The following AGBL1 variants were observed in gnomAD, a reference collection of about 807,000 sequenced individuals.
AGBL1 encodes the protein cytosolic carboxypeptidase 4.
Under a neutral mutation model 118.9 loss-of-function variants are expected in AGBL1, and 130 were observed. The observed-to-expected ratio is 1.09, with a 90% CI of 0.95 to 1.26. The LOEUF is 1.26. AGBL1 is among the 50% of genes most tolerant of loss of function. AGBL1 has a pLI of 0.00. For missense variants in AGBL1, 1,584 were observed against 1,298.1 expected, an observed-to-expected ratio of 1.22 and a Z score of -3.38; for synonymous variants, 555 against 478.9, an observed-to-expected ratio of 1.16 and a Z score of -2.08.
chr15:86,963,165 A>G (rs908121069), intron 23 of AGBL1, among the ~76,000 whole-genome samples: 2 of 152,044 alleles, frequency 1.3e-5, no homozygotes, highest in Non-Finnish European at 2.9e-5. Context: ...GGAGAATGAC[A>G]AAAGCCATGG....
At chr15:86,537,520 T>C (rs2083442546) in intron 19 of AGBL1, among the ~76,000 whole-genome samples, 1 of 152,220 alleles carries the variant, frequency 6.6e-6, no homozygotes, top group Non-Finnish European at 1.5e-5. Flanking sequence ...CATAAGTGCC[T>C]TCTCAGGGCA....
rs1408392120 is a variant in AGBL1 at position 86,532,185 on chromosome 15, C to A, written c.2685+9246C>A. Among the ~76,000 whole-genome samples the A allele has an allele frequency of 1.3e-3, 190 of 149,968 alleles. No individual in the cohort carries two copies. In the East Asian group the frequency reaches 0.014, roughly 11 times the overall value. ...AAGTCAAATTGTCCCTGTTTGCAGA[C>A]AACATGATTGTTTATCTAGAAAACC... On this transcript the variant is annotated intron_variant, in intron 19 of 22. Coordinates refer to ENST00000614907, the MANE Select transcript of AGBL1 (RefSeq NM_001386094.1).
At chr15:86,239,520 A>G (rs1048599500) in intron 6 of AGBL1, among the ~76,000 whole-genome samples, 10 of 152,080 alleles carry the variant, frequency 6.6e-5, no homozygotes, top group African/African-American at 2.4e-4. Context: ...CCTCTCTTCA[A>G]TGGTGCCGCA....
chr15:86,922,794 A>G (rs1180649743), intron 23 of AGBL1, among the ~76,000 whole-genome samples: 1 of 152,234 alleles, frequency 6.6e-6, no homozygotes, highest in African/African-American at 2.4e-5. Context: ...AAAAGAGGCA[A>G]TGAAGCGATT....
chr15:86,918,322 A>G (rs1000673516), downstream of AGBL1, among the ~76,000 whole-genome samples: 2 of 152,264 alleles, frequency 1.3e-5, no homozygotes, highest in Middle Eastern at 3.4e-3. Context: ...GAGAGGCTGC[A>G]TTTGGGTTTG....
At chr15:86,906,022 A>T (rs1348624902) in intron 22 of AGBL1, among the ~76,000 whole-genome samples, 1 of 152,224 alleles carries the variant, frequency 6.6e-6, no homozygotes, top group Non-Finnish European at 1.5e-5. Flanking sequence ...CAGTCAGCAG[A>T]CAATTAAGAC....
In AGBL1 at chr15:86,867,351, T is replaced by C. The variant is rs148628826; in HGVS notation, c.3159-39736T>C. ...CCAAGAGTTGACATTATGCTAACTT[T>C]ACATTTTACAAATCAACTCACCTAC... is the stretch of plus-strand genomic sequence containing the variant. On this transcript the variant is annotated intron_variant, in intron 22 of 22. Coordinates refer to ENST00000614907, the MANE Select transcript of AGBL1 (RefSeq NM_001386094.1). Among the ~76,000 whole-genome samples, 746 of 152,294 alleles carry C rather than the reference T, an allele frequency of 4.9e-3. 10 individuals carry two copies. Among genetic ancestry groups the C allele is most frequent in the African/African-American group, 0.017 (704 of 41,548 alleles).
At chr15:86,816,851 TA>T (rs2078864254) in intron 22 of AGBL1, among the ~76,000 whole-genome samples, 1 of 152,032 alleles carries the variant, frequency 6.6e-6, no homozygotes, top group Non-Finnish European at 1.5e-5. Context: ...GTTTTTTATC[TA>T]AATATTTTTT....
intron 1 of AGBL1, chr15:86,138,190 C>T (rs967731277): frequency 1.3e-5 from 2 of 152,238 alleles, no homozygotes; most frequent in African/African-American, 2.4e-5. Flanking sequence ...CAGACAGATT[C>T]ATCCCCCAGC....
chr15:86,236,345 T>A (rs1371632384), intron 6 of AGBL1, among the ~76,000 whole-genome samples: 1 of 14,300 alleles, frequency 7.0e-5, no homozygotes, highest in Admixed American at 1.2e-3. Flanking sequence ...AACTACTACT[T>A]TTTTTTTTTT....
chr15:86,587,140 T>C (rs2084261488), intron 21 of AGBL1, among the ~76,000 whole-genome samples: 1 of 152,210 alleles, frequency 6.6e-6, no homozygotes, highest in Non-Finnish European at 1.5e-5. Flanking sequence ...GTCATGGTCT[T>C]AGCTTACTCC....
intron 5 of AGBL1, among the ~76,000 whole-genome samples, chr15:86,222,168 C>T (rs542919089): frequency 8.5e-5 from 13 of 152,160 alleles, no homozygotes; most frequent in Non-Finnish European, 1.9e-4. Context: ...GCTTGCCTGG[C>T]TATGATGATC....
intron 1 of AGBL1, among the ~76,000 whole-genome samples, chr15:86,127,964 T>C (rs1337344737): frequency 1.3e-5 from 2 of 152,234 alleles, no homozygotes; most frequent in Non-Finnish European, 2.9e-5. Flanking sequence ...TAGGACCTTC[T>C]ATGAATTTTT....
In AGBL1 at chr15:86,202,789, G is replaced by C. The variant is rs1023286998; in HGVS notation, c.489-22125G>C. Among the ~76,000 whole-genome samples, 7 of 152,174 alleles carry C rather than the reference G, an allele frequency of 4.6e-5. 1 individual carries two copies. Among genetic ancestry groups the C allele is most frequent in the African/African-American group, 1.2e-4 (5 of 41,434 alleles). ...GAAACTTGTGGAAATTTTTGATTCA[G>C]ATAAGAACTGTAGTGGCTTATCACA... is the stretch of plus-strand genomic sequence containing the variant. On this transcript the variant is annotated intron_variant, in intron 5 of 22. Transcript: ENST00000614907.
intron 6 of AGBL1, among the ~76,000 whole-genome samples, chr15:86,227,937 T>A (rs1369604654): frequency 2.6e-5 from 4 of 152,190 alleles, no homozygotes; most frequent in Admixed American, 1.3e-4. Flanking sequence ...TCTGAGATCA[T>A]GTTTAAGCTC....
rs960187084 is a variant in AGBL1, at chr15:86,703,855, A to G, written c.3158+29419A>G. ...AATTAAATCTCTTTTTTTTAGAACA[A>G]AACTGGAGGCATCATGCTACCAGAG... is the stretch of plus-strand genomic sequence containing the variant. On this transcript the variant is annotated intron_variant, in intron 22 of 22. Coordinates refer to ENST00000614907, the MANE Select transcript of AGBL1 (RefSeq NM_001386094.1). 3.3e-5 allele frequency among the ~76,000 whole-genome samples: 5 copies of G among 152,194 alleles called. No individual in the cohort carries two copies. The South Asian group carries it at 6.2e-4, about 19-fold the overall frequency.
At chr15:86,585,475 G>C (rs1485941281) in intron 21 of AGBL1, among the ~76,000 whole-genome samples, 1 of 152,072 alleles carries the variant, frequency 6.6e-6, no homozygotes, top group African/African-American at 2.4e-5. Context: ...CTTATTATAA[G>C]CTTGAACTCC....
At chr15:86,670,597 T>C (rs2085725166) in intron 21 of AGBL1, among the ~76,000 whole-genome samples, 1 of 42,486 alleles carries the variant, frequency 2.4e-5, no homozygotes, top group Non-Finnish European at 4.4e-5. Context: ...AGAGTGAAAC[T>C]CTGACACACA....
rs150149753 is a variant in AGBL1, at chr15:86,148,761, C to T, written c.262+4916C>T. ...AGCAAGGCAGGCCAACATTCGAATT[C>T]AGGAAATACAGAGAACGCCACAAAG... On this transcript the variant is annotated intron_variant, in intron 3 of 22. Transcript: ENST00000614907. 4.5e-3 allele frequency among the ~76,000 whole-genome samples: 680 copies of T among 152,216 alleles called. 1 individual carries two copies. Among genetic ancestry groups the T allele is most frequent in the Non-Finnish European group, 6.8e-3 (462 of 68,020 alleles).
Sources: allele counts gnomAD v4.1 joint callset (sites outside exome capture counted in the v4.1 genomes callset), GRCh38; gene constraint gnomAD v4.1.1; transcripts MANE v1.5; gene names NCBI Gene and HGNC (gene_info 2026-07-23, HGNC 2026-07-21).